Variants in F13A1 observed in about 807,000 individuals in gnomAD.
F13A1 encodes the protein coagulation factor XIII A chain, also known as FSF, A subunit.
F13A1 carries 47 observed loss-of-function variants against 80.1 expected under a neutral mutation model. The observed-to-expected ratio is 0.59, with a 90% CI of 0.46 to 0.75. F13A1 has a LOEUF of 0.75. Among genes scored for constraint, F13A1 ranks in the 30% least tolerant of loss-of-function variants. The pLI is 0.00. For synonymous variants in F13A1, 349 were observed against 344.9 expected, an observed-to-expected ratio of 1.01 and a Z score of -0.13; for missense variants, 817 against 930.4, an observed-to-expected ratio of 0.88 and a Z score of 1.59.
chr6:6,264,979 T>C (rs1318930972), intron 4 of F13A1, among the ~76,000 whole-genome samples: 3 of 152,180 alleles, frequency 2.0e-5, no homozygotes, highest in African/African-American at 4.8e-5. Context: ...TCCCAAGCCA[T>C]GCTGGGCATG....
intron 10 of F13A1, among the ~76,000 whole-genome samples, chr6:6,183,690 A>G (rs1326160977): frequency 6.6e-6 from 1 of 152,202 alleles, no homozygotes; most frequent in Admixed American, 6.5e-5. Context: ...GGGGCAGTGG[A>G]GTCAAGGGTT....
intron 4 of F13A1, among the ~76,000 whole-genome samples, chr6:6,255,634 C>T (rs1561669860): frequency 1.3e-5 from 2 of 152,046 alleles, no homozygotes; most frequent in South Asian, 2.1e-4. Flanking sequence ...TACCTTTGGG[C>T]TTTGCGTTAG....
At chr6:6,282,459 CA>C (rs1758079947) in intron 3 of F13A1, among the ~76,000 whole-genome samples, 1 of 152,142 alleles carries the variant, frequency 6.6e-6, no homozygotes, top group African/African-American at 2.4e-5. Context: ...ATCATTCTAT[CA>C]ATAATAATTT....
rs566814602 is a variant in F13A1, at chr6:6,257,532, A to C, written c.572-6603T>G. 2.0e-5 allele frequency among the ~76,000 whole-genome samples: 3 copies of C among 152,230 alleles called. No homozygotes were observed. In the South Asian group the frequency reaches 6.2e-4, roughly 32 times the overall value. On this transcript the variant is annotated intron_variant, in intron 4 of 14. Transcript: ENST00000264870. ...CTTTCCTTTTAGCCCCTTCAGTATA[A>C]AGTAGAGTAGTTCGCCAGGACTGGT...
intron 2 of F13A1, among the ~76,000 whole-genome samples, chr6:6,312,772 T>C (rs1438377361): frequency 6.6e-6 from 1 of 151,694 alleles, no homozygotes; most frequent in Admixed American, 6.6e-5. Flanking sequence ...AAGGGGAAGA[T>C]TAAAAGCTAC....
chr6:6,227,762 T>C (rs1757297090), intron 6 of F13A1, among the ~76,000 whole-genome samples: 1 of 152,206 alleles, frequency 6.6e-6, no homozygotes, highest in African/African-American at 2.4e-5. Context: ...GGGCTATTTA[T>C]AGCATAGGGC....
At chr6:6,273,791 T>A (rs1025919553) in intron 3 of F13A1, among the ~76,000 whole-genome samples, 1 of 152,152 alleles carries the variant, frequency 6.6e-6, no homozygotes, top group African/African-American at 2.4e-5. Flanking sequence ...AAGCAAAACT[T>A]GTGCTAACAG....
At chr6:6,241,046 T>G (rs1441105880) in intron 6 of F13A1, among the ~76,000 whole-genome samples, 2 of 152,314 alleles carry the variant, frequency 1.3e-5, no homozygotes, top group South Asian at 4.2e-4. Flanking sequence ...TGATATGCGT[T>G]ACAATTGGAA....
intron 8 of F13A1, chr6:6,206,322 A>C (rs1319554937): frequency 5.5e-6 from 2 of 366,282 alleles, no homozygotes; most frequent in East Asian, 1.5e-4. Flanking sequence ...TAATTACTTT[A>C]AAACTAGTAA....
At chr6:6,180,052 A>C (rs1760953715) in intron 11 of F13A1, among the ~76,000 whole-genome samples, 1 of 152,140 alleles carries the variant, frequency 6.6e-6, no homozygotes, top group Non-Finnish European at 1.5e-5. Flanking sequence ...GACATCTGTC[A>C]TGTGGACAGC....
chr6:6,257,507 CT>C (rs1757718683), intron 4 of F13A1, among the ~76,000 whole-genome samples: 2 of 152,256 alleles, frequency 1.3e-5, no homozygotes, highest in South Asian at 4.2e-4. Flanking sequence ...GAGTTTGCTT[CT>C]TTCCTTTTAG....
chr6:6,199,720 A>G (rs1402576165), intron 8 of F13A1, among the ~76,000 whole-genome samples: 2 of 152,328 alleles, frequency 1.3e-5, no homozygotes, highest in East Asian at 1.9e-4. Context: ...ATAAAAAGCC[A>G]TTGGAATAAT....
chr6:6,187,309 AG>A (rs1231195340), intron 10 of F13A1, among the ~76,000 whole-genome samples: 1 of 92,106 alleles, frequency 1.1e-5, no homozygotes, highest in Non-Finnish European at 2.1e-5. Flanking sequence ...CAGTTTTCAA[AG>A]GGAATGCTTC....
intron 8 of F13A1, among the ~76,000 whole-genome samples, chr6:6,201,490 G>C (rs879744002): frequency 6.6e-6 from 1 of 152,118 alleles, no homozygotes; most frequent in African/African-American, 2.4e-5. Flanking sequence ...TGAAGAGAAC[G>C]AGAGGGTGCT....
At chr6:6,212,606 C>T (rs561514404) in intron 8 of F13A1, among the ~76,000 whole-genome samples, 1 of 152,346 alleles carries the variant, frequency 6.6e-6, no homozygotes, top group South Asian at 2.1e-4. Context: ...ACTGGAAACT[C>T]TAAAAAGCAG....
chr6:6,300,753 T>G (rs1758416694), intron 3 of F13A1, among the ~76,000 whole-genome samples: 2 of 151,820 alleles, frequency 1.3e-5, no homozygotes, highest in South Asian at 4.2e-4. Flanking sequence ...TATTCGGCCA[T>G]CTTGGCTCCT....
rs1306020640 is a variant in F13A1 at position 6,151,251 on chromosome 6, C to G, written c.2045+562G>C. On this transcript the variant is annotated intron_variant, in intron 14 of 14. Transcript: ENST00000264870. ...GTCTTTGGTCCCCTGAATGGGGAAC[C>G]ATCTAGAGCTCTTTAGGCTCAACTA... is the stretch of plus-strand genomic sequence containing the variant. 4.6e-5 allele frequency among the ~76,000 whole-genome samples: 7 copies of G among 151,292 alleles called. No individual in the cohort carries two copies. The East Asian group carries it at 1.4e-3, about 29-fold the overall frequency.
chr6:6,320,641 G>C lies in F13A1; in HGVS notation c.-73C>G, dbSNP rs187436054. On this transcript the variant is annotated 5_prime_UTR_variant, in exon 1 of 15. Coordinates refer to ENST00000264870, the MANE Select transcript of F13A1 (RefSeq NM_000129.4). ...CGCGTGGGCTTGCTCTGTGCGCCTC[G>C]GGGACTTCCTCAAACGGACTCGGGA... The C allele has an allele frequency of 4.3e-6, 2 of 470,244 alleles. No individual in the cohort carries two copies. The allele number at this position is 470,244 out of a possible 1,614,324, so 29.1% of individuals were successfully genotyped here. A position where few individuals can be genotyped will look rare whatever the true frequency, so the allele number is the denominator to read the frequency against.
chr6:6,318,154 C>T (rs760173389), intron 2 of F13A1, among the ~76,000 whole-genome samples: 19 of 152,340 alleles, frequency 1.2e-4, no homozygotes, highest in Non-Finnish European at 2.6e-4. Flanking sequence ...ACAATCAAAA[C>T]AGCCACAATA....
Sources: allele counts gnomAD v4.1 joint callset (sites outside exome capture counted in the v4.1 genomes callset), GRCh38; gene constraint gnomAD v4.1.1; transcripts MANE v1.5; gene names NCBI Gene and HGNC (gene_info 2026-07-23, HGNC 2026-07-21).